CXADR: variants seen among roughly 807,000 people sequenced by gnomAD.
CXADR encodes coxsackievirus and adenovirus receptor.
In CXADR, 20 loss-of-function variants were observed where a neutral mutation model predicts 40.3. The observed-to-expected ratio is 0.50, with a 90% CI of 0.35 to 0.72. The LOEUF (loss-of-function observed/expected upper bound fraction) is 0.72. Ranked by LOEUF, CXADR falls within the 30% of genes least tolerant of loss-of-function variation. The pLI, the probability that CXADR is intolerant of heterozygous loss-of-function variation, is 0.01. For synonymous variants in CXADR, 150 were observed against 161.3 expected (o/e 0.93, Z 0.53); for missense variants, 332 against 449.1 (o/e 0.74, Z 2.36).
intron 3 of CXADR, among the ~76,000 whole-genome samples, chr21:17,558,321 A>C (rs1196578946): frequency 6.6e-6 from 1 of 151,922 alleles, no homozygotes. Context: ...ATTATGACAG[A>C]GTCTCGCTAT....
At chr21:17,532,409 A>G (rs989985845) in intron 1 of CXADR, among the ~76,000 whole-genome samples, 4 of 151,860 alleles carry the variant, frequency 2.6e-5, no homozygotes, top group African/African-American at 7.3e-5. Flanking sequence ...TACACTGTCT[A>G]TTTTCTCCCC....
intron 1 of CXADR, among the ~76,000 whole-genome samples, chr21:17,543,915 C>T (rs1011610278): frequency 2.6e-5 from 4 of 152,124 alleles, no homozygotes; most frequent in African/African-American, 9.7e-5. Context: ...GTAATCCCAG[C>T]ACTTTGGGAG....
At chr21:17,629,468 T>C in the CXADR span, among the ~76,000 whole-genome samples, 1 of 151,210 alleles carries the variant, frequency 6.6e-6, no homozygotes, top group Non-Finnish European at 1.5e-5. Context: ...AGGAGGCTGA[T>C]GTCGGAGGAT....
chr21:17,551,984 A>T, intron 3 of CXADR, 31 bp downstream of exon 3: 1 of 1,520,998 alleles, frequency 6.6e-7, no homozygotes, highest in Non-Finnish European at 9.1e-7. Flanking sequence ...TTAACGGGTT[A>T]CTGAGTAAGA....
intron 6 of CXADR, among the ~76,000 whole-genome samples, chr21:17,563,367 C>A (rs912848670): frequency 6.6e-6 from 1 of 151,542 alleles, no homozygotes; most frequent in African/African-American, 2.4e-5. Flanking sequence ...TATTAAGTGG[C>A]CTAATTTCAA....
At chr21:17,598,848 C>T in the CXADR span, 16 of 1,590,950 alleles carry the variant, frequency 1.0e-5, no homozygotes, top group Middle Eastern at 1.8e-4. Context: ...TAAAAACTTA[C>T]AAATCTTGAA....
intron 2 of CXADR, among the ~76,000 whole-genome samples, chr21:17,550,306 A>G (rs1487404004): frequency 6.7e-6 from 1 of 150,146 alleles, no homozygotes; most frequent in African/African-American, 2.5e-5. Context: ...TTGAGCCAAG[A>G]TCGCACCACT....
At position 17,588,540 on chromosome 21, in the gene CXADR, G is replaced by A. The variant is rs576071318; in HGVS notation, c.1018-4612G>A. On this transcript the variant is annotated intron_variant, in intron 7 of 7. Transcript: ENST00000400169. ...TCATGATTTGGCTCTCTGTTTGTCT[G>A]TTATTGGTGTATAAGAATACCTATT... is the stretch of plus-strand genomic sequence containing the variant. Among the ~76,000 whole-genome samples, 67 of 152,198 alleles carry A rather than the reference G, an allele frequency of 4.4e-4. No individual in the cohort carries two copies. The South Asian group carries it at 0.013, about 30-fold the overall frequency.
intron 1 of CXADR, among the ~76,000 whole-genome samples, chr21:17,534,227 G>C (rs1324052201): frequency 6.7e-6 from 1 of 148,174 alleles, no homozygotes; most frequent in Admixed American, 6.8e-5. Context: ...TCTGCCTCTA[G>C]CTGGGACTAC....
chr21:17,622,766 C>T, the CXADR span, among the ~76,000 whole-genome samples: 4 of 152,128 alleles, frequency 2.6e-5, no homozygotes, highest in African/African-American at 9.7e-5. Flanking sequence ...ATTGAACTAT[C>T]ATGGAGCTGA....
In CXADR at chr21:17,513,153, G is replaced by A; in HGVS notation, c.24G>A (p.Val8=). Residue 8 remains valine, a synonymous_variant, in exon 1 of 7, where the codon GTG becomes GTA. Coordinates refer to ENST00000284878, the MANE Select transcript of CXADR (RefSeq NM_001338.5). ...CCATGGCGCTCCTGCTGTGCTTCGT[G>A]CTCCTGTGCGGAGTAGTGGGTGAGT... MALLLCF[V]LLCGVVDFAR... 1 of 1,375,756 alleles carries A rather than the reference G, an allele frequency of 7.3e-7. No individual in the cohort carries two copies. Among genetic ancestry groups the A allele is most frequent in the Non-Finnish European group, 9.4e-7 (1 of 1,061,902 alleles). 85.2% of individuals were successfully genotyped at this position (1,375,756 alleles called of 1,614,324 possible). A position where few individuals can be genotyped will look rare whatever the true frequency, so the allele number is the denominator to read the frequency against.
chr21:17,591,962 C>T (rs79037177), intron 7 of CXADR, among the ~76,000 whole-genome samples: 1,932 of 152,008 alleles, frequency 0.013, 47 homozygotes, highest in African/African-American at 0.045. Flanking sequence ...TTTATGAGAG[C>T]TTTCTTTTGC....
chr21:17,525,600 T>G (rs1476084518), intron 1 of CXADR, among the ~76,000 whole-genome samples: 8 of 152,262 alleles, frequency 5.3e-5, no homozygotes, highest in Non-Finnish European at 1.2e-4. Context: ...TACAAACTTT[T>G]GACTTTGTTT....
chr21:17,613,005 G>A, the CXADR span: 1 of 151,974 alleles, frequency 6.6e-6, no homozygotes, highest in African/African-American at 2.4e-5. Flanking sequence ...TCGCGCGCCT[G>A]AGGGGCGGTG....
chr21:17,612,362 T>G, the CXADR span: 1 of 151,522 alleles, frequency 6.6e-6, no homozygotes, highest in Non-Finnish European at 1.5e-5. Context: ...GCGAAGGGGG[T>G]GGACAGAGGG....
At chr21:17,577,611 G>GTTTTTTTTTTTTT (rs1569152178) in intron 7 of CXADR, among the ~76,000 whole-genome samples, 1 of 46,612 alleles carries the variant, frequency 2.1e-5, no homozygotes, top group Non-Finnish European at 3.6e-5. Flanking sequence ...CATTCTGCAA[G>GTTTTTTTTTTTTT]CTTTTTTTTT....
At chr21:17,531,895 G>C (rs2060681087) in intron 1 of CXADR, among the ~76,000 whole-genome samples, 1 of 151,600 alleles carries the variant, frequency 6.6e-6, no homozygotes, top group East Asian at 1.9e-4. Context: ...CGGTACCTAG[G>C]GTCTAATAAA....
intron 1 of CXADR, among the ~76,000 whole-genome samples, chr21:17,540,915 T>C (rs1334986344): frequency 6.6e-6 from 1 of 152,216 alleles, no homozygotes; most frequent in Non-Finnish European, 1.5e-5. Flanking sequence ...TTTATATTTA[T>C]TTAATTATAA....
chr21:17,536,049 A>G (rs1212454467), intron 1 of CXADR, among the ~76,000 whole-genome samples: 1 of 152,070 alleles, frequency 6.6e-6, no homozygotes, highest in East Asian at 1.9e-4. Flanking sequence ...AAAACTTTTC[A>G]TTTTTTTGTT....
Sources: gnomAD v4.1 joint callset for allele counts (sites outside exome capture counted in the v4.1 genomes callset) on GRCh38, gnomAD v4.1.1 for gene constraint, MANE v1.5 for transcripts, NCBI Gene and HGNC (gene_info 2026-07-23, HGNC 2026-07-21) for gene names.